Variants in FAM227B observed in about 807,000 individuals in gnomAD.
FAM227B encodes the protein family with sequence similarity 227 member B.
FAM227B carries 88 observed loss-of-function variants against 73.8 expected under a neutral mutation model. That is an observed-to-expected ratio of 1.19 (90% confidence interval 1.00 to 1.42). The LOEUF is 1.42. FAM227B is among the 40% of genes most tolerant of loss of function. The probability of loss-of-function intolerance (pLI) is 0.00; values close to 1 mark genes in which losing one functional copy is unlikely to be tolerated. For missense variants in FAM227B, 632 were observed against 590.9 expected (o/e 1.07, Z -0.72); for synonymous variants, 210 against 190.5 (o/e 1.10, Z -0.84).
chr15:49,439,318 G>C (rs2039651787), intron 11 of FAM227B, among the ~76,000 whole-genome samples: 1 of 151,564 alleles, frequency 6.6e-6, no homozygotes, highest in African/African-American at 2.4e-5. Flanking sequence ...GAGAGAGAAA[G>C]GGAGGCAGAG....
chr15:49,508,623 T>C (rs1008054221), intron 10 of FAM227B, among the ~76,000 whole-genome samples: 2 of 151,980 alleles, frequency 1.3e-5, no homozygotes, highest in Admixed American at 6.6e-5. Flanking sequence ...TGAACTAATA[T>C]TATTATTAAT....
At chr15:49,515,583 A>C (rs7178156) in intron 10 of FAM227B, among the ~76,000 whole-genome samples, 49,545 of 151,746 alleles carry the variant, frequency 0.33, 8,802 homozygotes, top group African/African-American at 0.46. Flanking sequence ...AAGTAGTTTT[A>C]ACGCCTGAAA....
chr15:49,365,810 G>T, intron 13 of FAM227B: 1 of 872,734 alleles, frequency 1.1e-6, no homozygotes, highest in Non-Finnish European at 2.0e-6. Context: ...AGTCCAGAGA[G>T]AAACATAAGT....
chr15:49,518,212 T>G (rs898702651), intron 10 of FAM227B, among the ~76,000 whole-genome samples: 1 of 152,196 alleles, frequency 6.6e-6, no homozygotes. Context: ...ATATTGGCAG[T>G]TGTCCAAAAT....
intron 3 of FAM227B, among the ~76,000 whole-genome samples, chr15:49,590,777 T>A (rs2076475523): frequency 6.6e-6 from 1 of 152,014 alleles, no homozygotes; most frequent in Admixed American, 6.6e-5. Context: ...CCCCAGAATT[T>A]CTCTCTCCTG....
chr15:49,365,264 A>G (rs2044935029), intron 13 of FAM227B: 1 of 1,279,890 alleles, frequency 7.8e-7, no homozygotes, highest in Non-Finnish European at 1.1e-6. Flanking sequence ...TGAGGCAATA[A>G]TAAGTGTGCA....
intron 3 of FAM227B, 99 bp from the exon 4 acceptor site, chr15:49,590,106 C>T: frequency 1.5e-6 from 1 of 667,636 alleles, no homozygotes; most frequent in East Asian, 2.8e-5. Flanking sequence ...GATTTTATTC[C>T]ACAGCATTGT....
At chr15:49,603,898 T>C (rs2077354885) in intron 3 of FAM227B, among the ~76,000 whole-genome samples, 1 of 152,206 alleles carries the variant, frequency 6.6e-6, no homozygotes, top group Admixed American at 6.5e-5. Flanking sequence ...TTTTTCAGCA[T>C]CAGCGGAAAT....
chr15:49,521,969 C>T (rs2059822012), intron 10 of FAM227B, among the ~76,000 whole-genome samples: 1 of 152,100 alleles, frequency 6.6e-6, no homozygotes, highest in Non-Finnish European at 1.5e-5. Context: ...GGTGATCTGG[C>T]TTCCAGTCTT....
At position 49,437,768 on chromosome 15, in the gene FAM227B, C is replaced by T. The variant is rs369971939; in HGVS notation, c.1013-66369G>A. Among the ~76,000 whole-genome samples, 4 of 151,686 alleles carry T rather than the reference C, an allele frequency of 2.6e-5. No homozygotes were observed. The East Asian group carries it at 7.8e-4, about 30-fold the overall frequency. ...TATGCACAGATACACAATGCAAGCA[C>T]CCACCATTGAAAAAATTCAGCCTAT... On this transcript the variant is annotated intron_variant, in intron 11 of 15. Transcript: ENST00000299338.
chr15:49,554,270 G>C (rs1249062625), intron 9 of FAM227B, among the ~76,000 whole-genome samples: 1 of 152,156 alleles, frequency 6.6e-6, no homozygotes, highest in East Asian at 1.9e-4. Context: ...GGTTATGAGA[G>C]AGGTGATGCC....
chr15:49,480,474 A>ATT (rs35283556), intron 11 of FAM227B, among the ~76,000 whole-genome samples: 3,892 of 100,818 alleles, frequency 0.039, 134 homozygotes, highest in African/African-American at 0.085. Flanking sequence ...TGCCCAACTA[A>ATT]TTTTTTTTTT....
chr15:49,589,374 C>T (rs8028721), intron 4 of FAM227B, among the ~76,000 whole-genome samples: 9,471 of 152,116 alleles, frequency 0.062, 1,043 homozygotes, highest in African/African-American at 0.22. Flanking sequence ...TTAACAAAAG[C>T]TTAACAGTTT....
chr15:49,520,256 A>G (rs1165624676), intron 10 of FAM227B, among the ~76,000 whole-genome samples: 1 of 152,198 alleles, frequency 6.6e-6, no homozygotes, highest in South Asian at 2.1e-4. Context: ...AAGCCATTCA[A>G]CAAATCTCTA....
intron 11 of FAM227B, chr15:49,396,134 T>G (rs917221787): frequency 7.8e-6 from 3 of 382,650 alleles, no homozygotes; most frequent in Non-Finnish European, 1.5e-5. Context: ...GGTCAGTGGG[T>G]GTGCTCACCG....
chr15:49,429,029 A>G (rs1037396218), intron 11 of FAM227B, among the ~76,000 whole-genome samples: 9 of 152,062 alleles, frequency 5.9e-5, no homozygotes, highest in African/African-American at 2.2e-4. Flanking sequence ...GTTAGAAGCT[A>G]GCAAATACAC....
intron 13 of FAM227B, among the ~76,000 whole-genome samples, chr15:49,342,116 G>A (rs1234313291): frequency 6.6e-6 from 1 of 152,140 alleles, no homozygotes; most frequent in Non-Finnish European, 1.5e-5. Flanking sequence ...TCTGCATTAT[G>A]TTGTCAGTAC....
intron 10 of FAM227B, among the ~76,000 whole-genome samples, chr15:49,538,508 T>C (rs1336700062): frequency 1.3e-5 from 2 of 152,112 alleles, no homozygotes; most frequent in African/African-American, 4.8e-5. Context: ...CTACTTCACT[T>C]TGGGTACCAG....
intron 10 of FAM227B, among the ~76,000 whole-genome samples, chr15:49,520,168 T>C (rs2059679860): frequency 6.6e-6 from 1 of 152,140 alleles, no homozygotes; most frequent in Non-Finnish European, 1.5e-5. Flanking sequence ...TCCAATAAAT[T>C]CCTCATCTCC....
Sources: allele counts gnomAD v4.1 joint callset (sites outside exome capture counted in the v4.1 genomes callset), GRCh38; gene constraint gnomAD v4.1.1; transcripts MANE v1.5; gene names NCBI Gene and HGNC (gene_info 2026-07-23, HGNC 2026-07-21).